Variants in CERS5 observed in about 807,000 individuals in gnomAD.
CERS5 encodes ceramide synthase 5.
Under a neutral mutation model 58.9 loss-of-function variants are expected in CERS5, and 37 were observed. The ratio of observed to expected loss-of-function variants is 0.63; its 90% CI spans 0.48 to 0.83. The LOEUF (loss-of-function observed/expected upper bound fraction) is 0.83. Among genes scored for constraint, CERS5 ranks in the 40% least tolerant of loss-of-function variants. CERS5 has a pLI of 0.00. For synonymous variants in CERS5, 147 were observed against 177.8 expected (o/e 0.83, Z 1.38); for missense variants, 398 against 489.3 (o/e 0.81, Z 1.76).
At chr12:50,135,140 A>G (rs1376248131) in intron 8 of CERS5, among the ~76,000 whole-genome samples, 1 of 86,534 alleles carries the variant, frequency 1.2e-5, no homozygotes, top group Non-Finnish European at 2.4e-5. Context: ...AGGGAGGGAG[A>G]GAGAGAGGAG....
rs1951813322 is a variant in CERS5, at chr12:50,138,618, C to T, written c.493-1G>A. 2 of 1,613,160 alleles carry T rather than the reference C, an allele frequency of 1.2e-6. No individual in the cohort carries two copies. Among genetic ancestry groups the T allele is most frequent in the East Asian group, 4.5e-5 (2 of 44,862 alleles). ...GTCGGATGTCCCAGAACCAAGGTGA[C>T]TAAGAGAAAACAGATAATCCATGTC... On this transcript the variant is annotated splice_acceptor_variant, in intron 4 of 9. Coordinates refer to ENST00000317551, the MANE Select transcript of CERS5 (RefSeq NM_147190.5). LOFTEE classifies it high-confidence loss of function.
chr12:50,133,298 A>G (rs755885499), intron 9 of CERS5: 36 of 1,076,978 alleles, frequency 3.3e-5, no homozygotes, highest in Non-Finnish European at 4.1e-5. Flanking sequence ...TAGCCCTTTG[A>G]CTACAGTCTG....
intron 7 of CERS5, 44 bp from the exon 8 acceptor site, chr12:50,135,882 C>T (rs1592343710): frequency 3.1e-6 from 5 of 1,594,762 alleles, no homozygotes; most frequent in Non-Finnish European, 4.3e-6. Flanking sequence ...AAAGTCATTC[C>T]TCACATAGGA....
At chr12:50,137,643 G>A in intron 6 of CERS5, 85 bp downstream of exon 6, 3 of 748,786 alleles carry the variant, frequency 4.0e-6, no homozygotes, top group Non-Finnish European at 2.3e-6. Context: ...TCTCAGGGAA[G>A]ATAATACATC....
At chr12:50,131,608 A>G (rs147552227) in intron 9 of CERS5, among the ~76,000 whole-genome samples, 2 of 151,810 alleles carry the variant, frequency 1.3e-5, no homozygotes, top group Non-Finnish European at 2.9e-5. Context: ...AGCATCCCCA[A>G]GATACACAGT....
intron 1 of CERS5, among the ~76,000 whole-genome samples, chr12:50,150,897 A>G (rs1297465760): frequency 6.6e-6 from 1 of 152,204 alleles, no homozygotes; most frequent in Non-Finnish European, 1.5e-5. Flanking sequence ...GCTAAGAAGA[A>G]AATGGAATGT....
At chr12:50,146,835 A>T (rs1952303185) in intron 1 of CERS5, among the ~76,000 whole-genome samples, 1 of 132,402 alleles carries the variant, frequency 7.6e-6, no homozygotes, top group East Asian at 2.4e-4. Context: ...CGACAAAGTG[A>T]GACTCCGTCT....
At chr12:50,135,161 A>G (rs1321764928) in intron 8 of CERS5, among the ~76,000 whole-genome samples, 1 of 51,262 alleles carries the variant, frequency 2.0e-5, no homozygotes, top group African/African-American at 7.9e-5. Context: ...GGAGGGAGAG[A>G]GAGGGGAGGG....
chr12:50,135,517 C>G (rs1421326246), intron 8 of CERS5: 1 of 698,480 alleles, frequency 1.4e-6, no homozygotes. Context: ...CTGGATCCGA[C>G]CTTGCTAGAA....
Position 50,167,291 on chromosome 12 carries a change from T to C in CERS5, c.7A>G (p.Thr3Ala). Residue 3 changes from threonine (T) to alanine (A), a missense_variant, in exon 1 of 10, where the codon ACA (threonine) becomes GCA (alanine). By Grantham distance (58) the Thr-to-Ala change is moderately conservative (BLOSUM62 0). Coordinates refer to ENST00000317551, the MANE Select transcript of CERS5 (RefSeq NM_147190.5). ...AAGCTTAGGGGTCCCTGCGCTGCTG[T>C]CGCCATCTTACGCCCACCCCGAAGC... MA[T>A]AAQGPLSLLW... 1 of 1,525,516 alleles carries C rather than the reference T, an allele frequency of 6.6e-7. No individual in the cohort carries two copies. Among genetic ancestry groups the C allele is most frequent in the South Asian group, 1.2e-5 (1 of 82,258 alleles). 94.5% of individuals were successfully genotyped at this position (1,525,516 alleles called of 1,614,324 possible).
intron 6 of CERS5, among the ~76,000 whole-genome samples, chr12:50,136,364 T>C (rs1024844191): frequency 7.2e-5 from 11 of 151,878 alleles, no homozygotes; most frequent in African/African-American, 2.2e-4. Context: ...TCCCAGCTAC[T>C]CGGGAGGCTG....
intron 4 of CERS5, among the ~76,000 whole-genome samples, chr12:50,140,938 G>T (rs1951940795): frequency 6.7e-6 from 1 of 148,830 alleles, no homozygotes; most frequent in African/African-American, 2.5e-5. Flanking sequence ...TCTTCCTTTA[G>T]TTCTGCCAGC....
chr12:50,161,669 C>T (rs1471292777), intron 1 of CERS5, among the ~76,000 whole-genome samples: 2 of 149,942 alleles, frequency 1.3e-5, no homozygotes, highest in Admixed American at 6.8e-5. Flanking sequence ...GCTAGCTACT[C>T]AAGAGGCTGA....
chr12:50,159,043 C>T (rs1054414689), intron 1 of CERS5, among the ~76,000 whole-genome samples: 2 of 151,994 alleles, frequency 1.3e-5, no homozygotes, highest in African/African-American at 2.4e-5. Context: ...CTCAAGCGGC[C>T]GGGCGCGGTG....
intron 1 of CERS5, among the ~76,000 whole-genome samples, chr12:50,156,436 AT>A (rs1938649325): frequency 1.5e-5 from 2 of 134,166 alleles, no homozygotes; most frequent in South Asian, 2.3e-4. Flanking sequence ...ATATATATAT[AT>A]AAAACAATTA....
intron 1 of CERS5, among the ~76,000 whole-genome samples, chr12:50,163,611 G>A (rs780544579): frequency 6.6e-6 from 1 of 152,120 alleles, no homozygotes; most frequent in African/African-American, 2.4e-5. Context: ...CAGCAGGATC[G>A]CTTGAGGCCA....
rs1332324759 is a variant in CERS5, at chr12:50,167,241, C to A, written c.57G>T (p.Glu19Asp). The A allele has an allele frequency of 1.1e-5, 17 of 1,602,136 alleles. No individual in the cohort carries two copies. Among genetic ancestry groups the A allele is most frequent in the Non-Finnish European group, 1.4e-5 (16 of 1,176,542 alleles). Residue 19 changes from glutamate to aspartate, a missense_variant, in exon 1 of 10, where the codon GAG becomes GAT. By Grantham distance (45) the Glu-to-Asp change is conservative. Coordinates refer to ENST00000317551, the MANE Select transcript of CERS5 (RefSeq NM_147190.5). ...LSLLWGWLWSERFWLPENVSW... is the reference protein window; with the variant it reads ...LSLLWGWLWSDRFWLPENVSW... ...TCACGTTCTCGGGTAGCCAGAAGCGCTCGCTCCACAGCCAGCCCCACAGCA... is the reference window on the plus strand; with the variant it reads ...TCACGTTCTCGGGTAGCCAGAAGCGATCGCTCCACAGCCAGCCCCACAGCA...
intron 1 of CERS5, among the ~76,000 whole-genome samples, chr12:50,161,776 C>CAAAAAAAAAAAAAAAAAAAA (rs1491484435): frequency 4.2e-5 from 1 of 23,678 alleles, no homozygotes; most frequent in Non-Finnish European, 6.8e-5. Context: ...GACTCCGTCT[C>CAAAAAAAAAAAAAAAAAAAA]AAAAAAAGAA....
chr12:50,147,938 C>A (rs779213210), intron 1 of CERS5, among the ~76,000 whole-genome samples: 9 of 151,948 alleles, frequency 5.9e-5, no homozygotes, highest in Non-Finnish European at 1.2e-4. Context: ...CCATGCCCAG[C>A]TAATTAAAAA....
Sources: allele counts gnomAD v4.1 joint callset (sites outside exome capture counted in the v4.1 genomes callset), GRCh38; gene constraint gnomAD v4.1.1; transcripts MANE v1.5; gene names NCBI Gene and HGNC (gene_info 2026-07-23, HGNC 2026-07-21).